CYP27C1: variants seen among roughly 807,000 people sequenced by gnomAD.
The protein encoded by CYP27C1 is cytochrome P450 27C1.
In CYP27C1, 29 loss-of-function variants were observed where a neutral mutation model predicts 40.6. The ratio of observed to expected loss-of-function variants is 0.71; its 90% confidence interval spans 0.53 to 0.97. The LOEUF (loss-of-function observed/expected upper bound fraction) is 0.97, where lower values mean the gene tolerates loss of function less well. CYP27C1 is among the 50% of genes least tolerant of loss of function. CYP27C1 has a pLI of 0.00. For missense variants in CYP27C1, 390 were observed against 485.8 expected, an observed-to-expected ratio of 0.80 and a Z score of 1.85; for synonymous variants, 198 against 186.8, an observed-to-expected ratio of 1.06 and a Z score of -0.49.
rs1683219864 is a variant in CYP27C1, at chr2:127,206,043, A to G, written c.330T>C (p.Gly110=). The part of the protein sequence containing the change: ...EYGKIFKSHF[G]PQFVVSIADR... ...CTGCAATAGATACTACAAACTGAGG[A>G]CCAAAGTGAGACTTGAAGATTTTTC... Residue 110 remains glycine (G), a synonymous_variant, in exon 2 of 9, where the codon GGT becomes GGC. Coordinates refer to ENST00000664447, the MANE Select transcript of CYP27C1 (RefSeq NM_001367502.1). 6.6e-6 allele frequency among the ~76,000 whole-genome samples: 1 copy of G among 152,238 alleles called. No individual in the cohort carries two copies. The highest frequency in any genetic ancestry group is 6.5e-5 in the Admixed American group (1 of 15,288).
At chr2:127,216,761 G>T (rs1683437699) in intron 1 of CYP27C1, among the ~76,000 whole-genome samples, 1 of 152,200 alleles carries the variant, frequency 6.6e-6, no homozygotes, top group Non-Finnish European at 1.5e-5. Context: ...ACACAAAAGT[G>T]ATGAGCCTCT....
chr2:127,207,372 G>A (rs2104695662), intron 1 of CYP27C1, among the ~76,000 whole-genome samples: 1 of 152,306 alleles, frequency 6.6e-6, no homozygotes, highest in East Asian at 1.9e-4. Flanking sequence ...GTGTGCACCT[G>A]TAATCCCAGC....
rs1558933223 is a variant in CYP27C1, at chr2:127,209,448, G to A, written c.283-3358C>T. Among the ~76,000 whole-genome samples, 1 of 152,174 alleles carries A rather than the reference G, an allele frequency of 6.6e-6. No homozygotes were observed. The highest frequency in any genetic ancestry group is 6.5e-5 in the Admixed American group (1 of 15,268). Reference sequence around the variant, plus strand: ...ATGCTGAAAACCAAAAGGCCTGAGTGCCTCTTCTCCTCCAAATAATCACAA... The same window carrying A: ...ATGCTGAAAACCAAAAGGCCTGAGTACCTCTTCTCCTCCAAATAATCACAA... On this transcript the variant is annotated intron_variant, in intron 1 of 8. Transcript: ENST00000664447. The surrounding 1 kb of genome is among the most constrained non-coding windows in gnomAD (Gnocchi z 4.1).
rs750909992 is a variant in CYP27C1 at position 127,187,353 on chromosome 2, T to C, written c.1532A>G (p.Gln511Arg). ...GGTTTTTGCATGAACAGCATTGGTCTGAGAAGATGTTTTGATCTCAAAATG... is the reference window on the plus strand; with the variant it reads ...GGTTTTTGCATGAACAGCATTGGTCCGAGAAGATGTTTTGATCTCAAAATG... Reference protein sequence around the residue: ...LQHFEIKTSSQTNAVHAKTHG... With the variant: ...LQHFEIKTSSRTNAVHAKTHG... Residue 511 changes from glutamine (Q) to arginine (R), a missense_variant, in exon 9 of 9, where the codon CAG becomes CGG. Coordinates refer to ENST00000664447, the MANE Select transcript of CYP27C1 (RefSeq NM_001367502.1). The C allele has an allele frequency of 6.2e-7, 1 of 1,614,128 alleles. No individual in the cohort carries two copies. The highest frequency in any genetic ancestry group is 1.7e-5 in the Admixed American group (1 of 60,026).
intron 1 of CYP27C1, among the ~76,000 whole-genome samples, chr2:127,214,775 G>GT (rs1558934980): frequency 4.4e-5 from 5 of 112,360 alleles, no homozygotes; most frequent in African/African-American, 1.0e-4. Flanking sequence ...ACATGTATCC[G>GT]TTTTTTGTTT....
intron 8 of CYP27C1, 117 bp from the exon 9 acceptor site, chr2:127,187,504 G>A (rs1290925433): frequency 1.2e-6 from 1 of 819,138 alleles, no homozygotes; most frequent in Admixed American, 2.2e-5. Context: ...CGCAGGCAAT[G>A]AGCACCCACA....
intron 8 of CYP27C1, among the ~76,000 whole-genome samples, chr2:127,192,502 C>A: frequency 6.6e-6 from 1 of 152,236 alleles, no homozygotes; most frequent in East Asian, 1.9e-4. Flanking sequence ...TGTTCTGTAA[C>A]AACACCCAGG....
At chr2:127,204,585 G>GAAAGA (rs1328368834) in intron 2 of CYP27C1, among the ~76,000 whole-genome samples, 1 of 91,922 alleles carries the variant, frequency 1.1e-5, no homozygotes, top group Non-Finnish European at 2.2e-5. Context: ...AAGAAAGAAA[G>GAAAGA]AAAGAAAGAA....
At chr2:127,192,000 G>T (rs977896593) in intron 8 of CYP27C1, among the ~76,000 whole-genome samples, 1 of 152,154 alleles carries the variant, frequency 6.6e-6, no homozygotes, top group East Asian at 1.9e-4. Flanking sequence ...CTCCAGCTCT[G>T]GTGCCCACCC....
At chr2:127,188,992 G>A (rs191168220) in intron 8 of CYP27C1, among the ~76,000 whole-genome samples, 5 of 152,048 alleles carry the variant, frequency 3.3e-5, no homozygotes, top group Admixed American at 2.0e-4. Context: ...CTGACCCCTC[G>A]TGCTGACCTC....
At chr2:127,193,355 G>A (rs1682826811) in intron 7 of CYP27C1, 58 bp from the exon 8 acceptor site, 1 of 1,600,248 alleles carries the variant, frequency 6.2e-7, no homozygotes, top group Admixed American at 1.7e-5. Flanking sequence ...CAAGAGCAGG[G>A]CAGGGCCCAG....
intron 1 of CYP27C1, among the ~76,000 whole-genome samples, chr2:127,214,351 T>C (rs1011667263): frequency 6.6e-6 from 1 of 152,218 alleles, no homozygotes; most frequent in African/African-American, 2.4e-5. Flanking sequence ...GTCATTCTAC[T>C]ATAAAAACAC....
intron 5 of CYP27C1, among the ~76,000 whole-genome samples, chr2:127,198,454 A>C (rs1682956023): frequency 6.6e-6 from 1 of 152,180 alleles, no homozygotes; most frequent in Admixed American, 6.5e-5. Flanking sequence ...CAAATCAGGA[A>C]TGATTTGTAA....
At position 127,193,111 on chromosome 2, in the gene CYP27C1, GA is replaced by G; in HGVS notation, c.1479del (p.His494ThrfsTer4). The G allele has an allele frequency of 6.2e-7, 1 of 1,614,182 alleles. No individual in the cohort carries two copies. Among genetic ancestry groups the G allele is most frequent in the Non-Finnish European group, 8.5e-7 (1 of 1,180,042 alleles). On this transcript the variant is annotated frameshift_variant, in exon 8 of 9. Transcript: ENST00000664447. LOFTEE classifies it low-confidence loss of function (END_TRUNC). ...CGCCCTACCTGGATCACGACGAGGT[GA>G]ATCTCCAGTTCTGCAATTCTCCGCC... ...CIGRRIAELE[I>X]HLVVIQLLQH... is the part of the protein sequence containing the mutation.
At chr2:127,199,332 G>A (rs775697983) in intron 5 of CYP27C1, 44 bp downstream of exon 5, 55 of 1,603,460 alleles carry the variant, frequency 3.4e-5, no homozygotes, top group Non-Finnish European at 3.7e-5. Flanking sequence ...ATGAGGAAGG[G>A]GTTATCGTGT....
chr2:127,203,034 G>A (rs1297068145), intron 3 of CYP27C1, among the ~76,000 whole-genome samples: 2 of 152,116 alleles, frequency 1.3e-5, no homozygotes, highest in Non-Finnish European at 2.9e-5. Flanking sequence ...CGGGAGTGGT[G>A]GCAGGTGCCT....
rs750509562 is a variant in CYP27C1 at position 127,203,459 on chromosome 2, T to C, written c.586A>G (p.Lys196Glu). 2.5e-6 allele frequency: 4 copies of C among 1,613,912 alleles called. No homozygotes were observed. The East Asian group carries it at 8.9e-5, about 36-fold the overall frequency. The change falls in exon 3 of 9, where the codon AAA becomes GAA. Residue 196 changes from lysine (K) to glutamate (E), a missense_variant. By Grantham distance (56) the Lys-to-Glu change is moderately conservative. Transcript: ENST00000664447. ...TGGCTCCTGAGGAGGTAGATTCTTTTAATTAAGTCAGCAATAACTTGGTTG... is the reference window on the plus strand; with the variant it reads ...TGGCTCCTGAGGAGGTAGATTCTTTCAATTAAGTCAGCAATAACTTGGTTG... The part of the protein sequence containing the change: ...EVNQVIADLI[K>E]RIYLLRSQAE...
chr2:127,191,643 C>T (rs1248212273), intron 8 of CYP27C1, among the ~76,000 whole-genome samples: 1 of 152,246 alleles, frequency 6.6e-6, no homozygotes, highest in Non-Finnish European at 1.5e-5. Flanking sequence ...TTTTACTCCT[C>T]ACACACCTAT....
intron 1 of CYP27C1, among the ~76,000 whole-genome samples, chr2:127,214,796 T>G (rs1306684702): frequency 2.9e-5 from 4 of 140,320 alleles, no homozygotes; most frequent in Non-Finnish European, 4.8e-5. Flanking sequence ...TTTTTTTTTT[T>G]TTTGGTTTTT....
Sources: gnomAD v4.1 joint callset for allele counts (sites outside exome capture counted in the v4.1 genomes callset) on GRCh38, gnomAD v4.1.1 for gene constraint, Gnocchi (gnomAD v3.1) non-coding constraint, MANE v1.5 for transcripts, NCBI Gene and HGNC (gene_info 2026-07-23, HGNC 2026-07-21) for gene names.